The following ADPRM variants were observed in gnomAD, a reference collection of about 807,000 sequenced individuals.
ADPRM encodes the protein manganese-dependent ADP-ribose/CDP-alcohol diphosphatase.
ADPRM carries 17 observed loss-of-function variants against 27.2 expected under a neutral mutation model. That is an observed-to-expected ratio of 0.63 (90% confidence interval 0.43 to 0.94). The LOEUF (loss-of-function observed/expected upper bound fraction) is 0.94. Ranked by LOEUF, ADPRM falls within the 40% of genes least tolerant of loss-of-function variation. ADPRM has a pLI of 0.00. For synonymous variants in ADPRM, 135 were observed against 145.3 expected (o/e 0.93, Z 0.51); for missense variants, 337 against 412.8 (o/e 0.82, Z 1.59).
chr17:10,704,109 T>C (rs1228934976), intron 1 of ADPRM, among the ~76,000 whole-genome samples: 1 of 152,080 alleles, frequency 6.6e-6, no homozygotes, highest in Non-Finnish European at 1.5e-5. Flanking sequence ...CTTGGGAGGC[T>C]GAGGTGGAAG....
rs1439412180 is a variant in ADPRM, at chr17:10,708,442, A to AC, written c.718+1888_718+1889insC. Among the ~76,000 whole-genome samples the AC allele has an allele frequency of 2.9e-3, 437 of 150,698 alleles. 25 individuals are homozygous for AC. Among genetic ancestry groups the AC allele is most frequent in the African/African-American group, 9.9e-3 (406 of 40,840 alleles). ...GAAACTCCGTCTCAAAAAAAAAAAA[A>AC]AAAAAAAACCTTTGAAAATGATAGG... On this transcript the variant is annotated intron_variant, in intron 3 of 3. Transcript: ENST00000379774.
intron 1 of ADPRM, 108 bp from the exon 2 acceptor site, chr17:10,704,802 C>T (rs1852987387): frequency 1.0e-6 from 1 of 961,290 alleles, no homozygotes; most frequent in African/African-American, 1.6e-5. Context: ...TTTCCTGTAC[C>T]AAGCTGCCTA....
At position 10,711,350 on chromosome 17, in the gene ADPRM, A is replaced by G; in HGVS notation, c.*206A>G. ...TAAGTTAGAAACAAACCAGGGAGGA[A>G]ACTGAGGCAGGGGTGTATAGTCCTC... On this transcript the variant is annotated 3_prime_UTR_variant, in exon 4 of 4. Transcript: ENST00000379774. 1 of 563,234 alleles carries G rather than the reference A, an allele frequency of 1.8e-6. No homozygotes were observed. The highest frequency in any genetic ancestry group is 3.1e-6 in the Non-Finnish European group (1 of 320,414). 34.9% of individuals were successfully genotyped at this position (563,234 alleles called of 1,614,324 possible).
chr17:10,699,518 CTTT>C lies in ADPRM; in HGVS notation c.-18+1871_-18+1873del, dbSNP rs781412834. 5.6e-3 allele frequency among the ~76,000 whole-genome samples: 631 copies of C among 113,308 alleles called. 3 individuals are homozygous for C. The highest frequency in any genetic ancestry group is 0.02 in the African/African-American group (589 of 29,362). The allele number at this position is 113,308 out of a possible 152,430, so 74.3% of individuals were successfully genotyped here. A position where few individuals can be genotyped will look rare whatever the true frequency, so the allele number is the denominator to read the frequency against. ...CAAGTTAGATATTTTTCTTTTCTTT[CTTT>C]TTTTTTTTTTTTTTTTTTTGAGACA... On this transcript the variant is annotated intron_variant, in intron 1 of 3. Coordinates refer to ENST00000379774, the MANE Select transcript of ADPRM (RefSeq NM_020233.5).
At chr17:10,710,720 A>T in intron 3 of ADPRM, 114 bp from the exon 4 acceptor site, 1 of 895,164 alleles carries the variant, frequency 1.1e-6, no homozygotes. Flanking sequence ...GTTCATTTGC[A>T]TAATGAGATA....
At chr17:10,701,330 T>C (rs2151461817) in intron 1 of ADPRM, among the ~76,000 whole-genome samples, 1 of 151,150 alleles carries the variant, frequency 6.6e-6, no homozygotes, top group South Asian at 2.1e-4. Flanking sequence ...AAAAACTTTA[T>C]GTATACTTTT....
chr17:10,709,190 G>A (rs1007816706), intron 3 of ADPRM, among the ~76,000 whole-genome samples: 1 of 152,190 alleles, frequency 6.6e-6, no homozygotes, highest in African/African-American at 2.4e-5. Flanking sequence ...TGAGATAGGG[G>A]ACACTGCAGG....
In ADPRM at chr17:10,697,611, G is replaced by A. The variant is rs2074741992; in HGVS notation, c.-74G>A. The A allele has an allele frequency of 2.8e-6, 4 of 1,429,018 alleles. No homozygotes were observed. In the South Asian group the frequency reaches 4.8e-5, roughly 17 times the overall value. 88.5% of individuals were successfully genotyped at this position (1,429,018 alleles called of 1,614,324 possible). A position where few individuals can be genotyped will look rare whatever the true frequency, so the allele number is the denominator to read the frequency against. The stretch of plus-strand genomic sequence containing the variant: ...GTCGCTCTGTCCGTCCCGCTCGTTG[G>A]TGGCGCTGTTACATAGCCCGTAGTC... On this transcript the variant is annotated 5_prime_UTR_variant, in exon 1 of 4. The change creates a new upstream start codon in the 5' untranslated region. Coordinates refer to ENST00000379774, the MANE Select transcript of ADPRM (RefSeq NM_020233.5).
chr17:10,704,869 A>T, intron 1 of ADPRM, 41 bp from the exon 2 acceptor site: 1 of 1,432,612 alleles, frequency 7.0e-7, no homozygotes, highest in African/African-American at 1.4e-5. Context: ...TGGGAAATTA[A>T]AACGTTTATA....
At position 10,698,852 on chromosome 17, in the gene ADPRM, T is replaced by C. The variant is rs146408397; in HGVS notation, c.-18+1185T>C. On this transcript the variant is annotated intron_variant, in intron 1 of 3. Coordinates refer to ENST00000379774, the MANE Select transcript of ADPRM (RefSeq NM_020233.5). ...GGATTTTTGCTCTTTTATCTTTGTGTATTTGTTTGCCCAGGGATAATTTTT... is the reference window on the plus strand; with the variant it reads ...GGATTTTTGCTCTTTTATCTTTGTGCATTTGTTTGCCCAGGGATAATTTTT... Among the ~76,000 whole-genome samples the C allele has an allele frequency of 1.1e-3, 174 of 152,354 alleles. 1 individual carries two copies. Among genetic ancestry groups the C allele is most frequent in the Non-Finnish European group, 2.2e-3 (151 of 68,038 alleles).
chr17:10,706,513 T>G lies in ADPRM; in HGVS notation c.677T>G (p.Leu226Arg). 1 of 1,594,686 alleles carries G rather than the reference T, an allele frequency of 6.3e-7. No homozygotes were observed. The highest frequency in any genetic ancestry group is 8.5e-7 in the Non-Finnish European group (1 of 1,173,256). ...QEQLNWLNEV[L>R]TFSDTNQEKV... ...CAGCTAAACTGGTTGAATGAAGTGC[T>G]AACATTCTCTGACACAAACCAAGAA... is the stretch of plus-strand genomic sequence containing the variant. Residue 226 changes from leucine to arginine, a missense_variant, in exon 3 of 4, where the codon CTA (leucine) becomes CGA (arginine). Leu to Arg is a moderately radical substitution (Grantham distance 102). Transcript: ENST00000379774.
At chr17:10,708,429 CAA>C (rs1206878055) in intron 3 of ADPRM, among the ~76,000 whole-genome samples, 6 of 30,588 alleles carry the variant, frequency 2.0e-4, no homozygotes, top group Middle Eastern at 0.014. Flanking sequence ...AACTCCGTCT[CAA>C]AAAAAAAAAA....
At chr17:10,697,788 G>T in intron 1 of ADPRM, 121 bp downstream of exon 1, 1 of 448,038 alleles carries the variant, frequency 2.2e-6, no homozygotes, top group South Asian at 2.6e-5. Context: ...CGGCTGGGCC[G>T]AGGCAAGGCG....
Position 10,711,310 on chromosome 17 carries a change from A to G in ADPRM, c.*166A>G. Reference sequence around the variant, plus strand: ...AAAATACTCAGAAATGTTATTTTGGATCATGTATCCATTGTAAGTTAGAAA... The same window carrying G: ...AAAATACTCAGAAATGTTATTTTGGGTCATGTATCCATTGTAAGTTAGAAA... On this transcript the variant is annotated 3_prime_UTR_variant, in exon 4 of 4. Coordinates refer to ENST00000379774, the MANE Select transcript of ADPRM (RefSeq NM_020233.5). 2 of 656,328 alleles carry G rather than the reference A, an allele frequency of 3.0e-6. No homozygotes were observed. The highest frequency in any genetic ancestry group is 5.1e-6 in the Non-Finnish European group (2 of 394,974). 40.7% of individuals were successfully genotyped at this position (656,328 alleles called of 1,614,324 possible).
chr17:10,704,658 G>T (rs527339920), intron 1 of ADPRM, among the ~76,000 whole-genome samples: 14 of 152,232 alleles, frequency 9.2e-5, no homozygotes, highest in Non-Finnish European at 1.5e-4. Context: ...TCTATTTATT[G>T]ATAGGATAGT....
At chr17:10,709,148 C>T (rs1281433142) in intron 3 of ADPRM, among the ~76,000 whole-genome samples, 1 of 152,036 alleles carries the variant, frequency 6.6e-6, no homozygotes, top group Non-Finnish European at 1.5e-5. Context: ...GAATTTTGGC[C>T]GTGCAGTTGG....
At chr17:10,708,570 A>T (rs769783596) in intron 3 of ADPRM, among the ~76,000 whole-genome samples, 17 of 152,164 alleles carry the variant, frequency 1.1e-4, no homozygotes, top group Non-Finnish European at 2.4e-4. Context: ...GAAGGAGCAG[A>T]AGTGTTTCTG....
In ADPRM at chr17:10,705,390, T is replaced by G; in HGVS notation, c.464T>G (p.Phe155Cys). Residue 155 changes from phenylalanine to cysteine, a missense_variant, in exon 2 of 4, where the codon TTC becomes TGC. Coordinates refer to ENST00000379774, the MANE Select transcript of ADPRM (RefSeq NM_020233.5). The surrounding 1 kb of genome is among the most constrained non-coding windows in gnomAD (Gnocchi z 5.4). Reference sequence around the variant, plus strand: ...TATTATGCTTATCATTTTGTACCATTCCCTAAATTCCGGTTCATTTTACTT... The same window carrying G: ...TATTATGCTTATCATTTTGTACCATGCCCTAAATTCCGGTTCATTTTACTT... ...EDYYAYHFVPFPKFRFILLDA... is the reference protein window; with the variant it reads ...EDYYAYHFVPCPKFRFILLDA... The G allele has an allele frequency of 6.2e-7, 1 of 1,614,008 alleles. No individual in the cohort carries two copies. Among genetic ancestry groups the G allele is most frequent in the Non-Finnish European group, 8.5e-7 (1 of 1,179,992 alleles).
rs1359138596 is a variant in ADPRM at position 10,705,257 on chromosome 17, C to A, written c.331C>A (p.His111Asn). The A allele has an allele frequency of 2.5e-6, 4 of 1,613,846 alleles. No homozygotes were observed. Among genetic ancestry groups the A allele is most frequent in the Non-Finnish European group, 3.4e-6 (4 of 1,179,986 alleles). ...TCCAGTTCATCATACATGGGGAAACCATGAATTCTATAACTTCAGTAGAGA... is the reference window on the plus strand; with the variant it reads ...TCCAGTTCATCATACATGGGGAAACAATGAATTCTATAACTTCAGTAGAGA... ...KVPVHHTWGN[H>N]EFYNFSREYL... The change falls in exon 2 of 4, where the codon CAT becomes AAT. Residue 111 changes from histidine to asparagine, a missense_variant. Transcript: ENST00000379774. The surrounding 1 kb of genome is among the most constrained non-coding windows in gnomAD (Gnocchi z 5.4).
Sources: allele counts gnomAD v4.1 joint callset (sites outside exome capture counted in the v4.1 genomes callset), GRCh38; gene constraint gnomAD v4.1.1; non-coding constraint Gnocchi (gnomAD v3.1); transcripts MANE v1.5; gene names NCBI Gene and HGNC (gene_info 2026-07-23, HGNC 2026-07-21).